YEATS4: variants seen among roughly 807,000 people sequenced by gnomAD.
YEATS4 encodes the protein YEATS domain containing 4, also known as YEATS domain-containing protein 4.
YEATS4 carries 17 observed loss-of-function variants against 30.1 expected under a neutral mutation model. That is an observed-to-expected ratio of 0.56 (90% CI 0.39 to 0.85). The LOEUF is 0.85. Ranked by LOEUF, YEATS4 falls within the 40% of genes least tolerant of loss-of-function variation. The pLI is 0.00. For synonymous variants in YEATS4, 85 were observed against 87.5 expected (o/e 0.97, Z 0.16); for missense variants, 142 against 268.3 (o/e 0.53, Z 3.29).
intron 6 of YEATS4, among the ~76,000 whole-genome samples, chr12:69,382,256 G>T (rs1327300105): frequency 6.6e-6 from 1 of 152,190 alleles, no homozygotes; most frequent in African/African-American, 2.4e-5. Context: ...TCATTAATTT[G>T]ATTAGCTTGT....
At chr12:69,363,149 C>A (rs554744117) in intron 2 of YEATS4, among the ~76,000 whole-genome samples, 3 of 151,714 alleles carry the variant, frequency 2.0e-5, no homozygotes, top group Non-Finnish European at 4.4e-5. Context: ...CCCGCCACCA[C>A]GCCCGGCTAA....
chr12:69,399,233 G>A, the YEATS4 span, among the ~76,000 whole-genome samples: 911 of 151,044 alleles, frequency 6.0e-3, 4 homozygotes, highest in Middle Eastern at 0.027. Flanking sequence ...ACAAACCCAC[G>A]AAATGGGAGA....
intron 2 of YEATS4, 45 bp downstream of exon 2, chr12:69,362,952 G>A: frequency 3.0e-6 from 2 of 656,972 alleles, no homozygotes; most frequent in South Asian, 2.7e-5. Flanking sequence ...AAAGTTGTCT[G>A]TAATTTGTTT....
chr12:69,409,710 A>G, the YEATS4 span, among the ~76,000 whole-genome samples: 3 of 152,180 alleles, frequency 2.0e-5, no homozygotes, highest in Non-Finnish European at 2.9e-5. Flanking sequence ...CCTCCAAAAT[A>G]CATATGTTGA....
At chr12:69,414,020 TC>T in the YEATS4 span, among the ~76,000 whole-genome samples, 1 of 152,124 alleles carries the variant, frequency 6.6e-6, no homozygotes, top group African/African-American at 2.4e-5. Context: ...AATCCTGCTC[TC>T]CCATTTGTAG....
chr12:69,408,222 G>A, the YEATS4 span, among the ~76,000 whole-genome samples: 2 of 152,232 alleles, frequency 1.3e-5, no homozygotes, highest in South Asian at 4.2e-4. Flanking sequence ...AAGATCCTTC[G>A]AACTTACTAG....
At chr12:69,405,343 C>CTAA in the YEATS4 span, among the ~76,000 whole-genome samples, 1 of 152,084 alleles carries the variant, frequency 6.6e-6, no homozygotes, top group Non-Finnish European at 1.5e-5. Flanking sequence ...ACGACAATAA[C>CTAA]TAATAATAAA....
the YEATS4 span, among the ~76,000 whole-genome samples, chr12:69,415,994 A>G: frequency 9.9e-5 from 15 of 152,168 alleles, no homozygotes; most frequent in African/African-American, 3.4e-4. Context: ...TCTGTTTTCT[A>G]TTTGTCATAT....
the YEATS4 span, among the ~76,000 whole-genome samples, chr12:69,407,064 C>T: frequency 7.2e-5 from 11 of 152,150 alleles, no homozygotes; most frequent in African/African-American, 2.7e-4. Flanking sequence ...ATCCTCCCAC[C>T]TTGCCCTCCC....
chr12:69,417,154 ATTTTTTTTTT>A, the YEATS4 span, among the ~76,000 whole-genome samples: 1 of 68,134 alleles, frequency 1.5e-5, no homozygotes, highest in Non-Finnish European at 3.3e-5. Context: ...TTTTTTAAAA[ATTTTTTTTTT>A]TTTTTTTTTT....
the YEATS4 span, among the ~76,000 whole-genome samples, chr12:69,417,154 A>AT: frequency 0.03 from 2,054 of 68,082 alleles, 66 homozygotes; most frequent in African/African-American, 0.066. Context: ...TTTTTTAAAA[A>AT]TTTTTTTTTT....
Position 69,363,240 on chromosome 12 carries a change from G to A in YEATS4, c.171+333G>A, listed in dbSNP as rs914345141. 4.6e-5 allele frequency among the ~76,000 whole-genome samples: 7 copies of A among 151,792 alleles called. No individual in the cohort carries two copies. In the East Asian group the frequency reaches 5.8e-4, roughly 13 times the overall value. On this transcript the variant is annotated intron_variant, in intron 2 of 6. Coordinates refer to ENST00000247843, the MANE Select transcript of YEATS4 (RefSeq NM_006530.4). ...AATCTCCTGACCTCGTGATCCACCC[G>A]CCTCGGCCTCCCAAAGTGCTGGGAT...
the YEATS4 span, among the ~76,000 whole-genome samples, chr12:69,425,741 G>A: frequency 6.6e-6 from 1 of 152,174 alleles, no homozygotes; most frequent in Non-Finnish European, 1.5e-5. Flanking sequence ...GTGCAAAGGA[G>A]CCCACACGTT....
rs1282611233 is a variant in YEATS4 at position 69,359,918 on chromosome 12, C to T, written c.-55C>T. 2.4e-5 allele frequency: 39 copies of T among 1,605,428 alleles called. No homozygotes were observed. Among genetic ancestry groups the T allele is most frequent in the Non-Finnish European group, 3.3e-5 (39 of 1,174,462 alleles). Reference sequence around the variant, plus strand: ...GCGCGGTCTCTGAGGGGAGCGGCGACCCCGCCAGCCCCGGTCTCTTTCCCT... The same window carrying T: ...GCGCGGTCTCTGAGGGGAGCGGCGATCCCGCCAGCCCCGGTCTCTTTCCCT... On this transcript the variant is annotated 5_prime_UTR_variant, in exon 1 of 7. Transcript: ENST00000247843.
the YEATS4 span, among the ~76,000 whole-genome samples, chr12:69,413,760 G>A: frequency 6.6e-6 from 1 of 151,406 alleles, no homozygotes; most frequent in South Asian, 2.1e-4. Context: ...GCTGAGGCAG[G>A]AGAATTGTTT....
At chr12:69,402,514 CA>C in the YEATS4 span, among the ~76,000 whole-genome samples, 1 of 152,110 alleles carries the variant, frequency 6.6e-6, no homozygotes, top group East Asian at 1.9e-4. Context: ...TTGGGATCCA[CA>C]AACTTTTTCT....
At position 69,390,388 on chromosome 12, in the gene YEATS4, C is replaced by A; in HGVS notation, c.*72C>A. On this transcript the variant is annotated 3_prime_UTR_variant, in exon 7 of 7. Transcript: ENST00000247843. Reference sequence around the variant, plus strand: ...GGGCTTCACTGGAGAAATGGACTTACTGCAAATGCTGTGATGTTTCTTAGA... The same window carrying A: ...GGGCTTCACTGGAGAAATGGACTTAATGCAAATGCTGTGATGTTTCTTAGA... The A allele has an allele frequency of 7.4e-7, 1 of 1,358,750 alleles. No individual in the cohort carries two copies. The highest frequency in any genetic ancestry group is 1.6e-5 in the South Asian group (1 of 61,698). The allele number at this position is 1,358,750 out of a possible 1,614,324, so 84.2% of individuals were successfully genotyped here.
intron 6 of YEATS4, among the ~76,000 whole-genome samples, chr12:69,379,938 C>T (rs774804680): frequency 3.9e-5 from 6 of 152,034 alleles, no homozygotes; most frequent in Non-Finnish European, 8.8e-5. Flanking sequence ...CATTTCTGCT[C>T]GATTCTTTTA....
chr12:69,384,058 C>G (rs1425275902), intron 6 of YEATS4, among the ~76,000 whole-genome samples: 1 of 152,126 alleles, frequency 6.6e-6, no homozygotes, highest in Non-Finnish European at 1.5e-5. Context: ...CTTAAAAGAT[C>G]TGGGTACTAA....
Sources: gnomAD v4.1 joint callset for allele counts (sites outside exome capture counted in the v4.1 genomes callset) on GRCh38, gnomAD v4.1.1 for gene constraint, MANE v1.5 for transcripts, NCBI Gene and HGNC (gene_info 2026-07-23, HGNC 2026-07-21) for gene names.